RAB3GAP2: variants seen among roughly 807,000 people sequenced by gnomAD.
RAB3GAP2 encodes RAB3 GTPase activating non-catalytic protein subunit 2.
In RAB3GAP2, 87 loss-of-function variants were observed where a neutral mutation model predicts 185.3. That is an observed-to-expected ratio of 0.47 (90% CI 0.39 to 0.56). The LOEUF (loss-of-function observed/expected upper bound fraction) is 0.56. RAB3GAP2 is among the 20% of genes least tolerant of loss of function. RAB3GAP2 has a pLI of 0.00. For missense variants in RAB3GAP2, 1,492 were observed against 1,638.2 expected (o/e 0.91, Z 1.54); for synonymous variants, 554 against 576.1 (o/e 0.96, Z 0.55).
chr1:220,215,912 T>C (rs557177365), intron 2 of RAB3GAP2, among the ~76,000 whole-genome samples: 118 of 152,282 alleles, frequency 7.7e-4, no homozygotes, highest in South Asian at 5.2e-3. Flanking sequence ...TTTAAAAACT[T>C]GTAATAAGCA....
At chr1:220,189,991 C>T (rs940100718) in intron 16 of RAB3GAP2, 73 bp downstream of exon 16, 32 of 1,297,684 alleles carry the variant, frequency 2.5e-5, no homozygotes, top group Admixed American at 3.4e-5. Flanking sequence ...TTGATTGCTC[C>T]ATTCAGAATA....
In RAB3GAP2 at chr1:220,184,052, G is replaced by T; in HGVS notation, c.1982C>A (p.Thr661Lys). ...QLNSLDFHLD[T>K]PFSDNDLALL... is the part of the protein sequence containing the mutation. ...ATTACTCACATTATCAGAGAATGGT[G>T]TGTCTAAATGAAAATCAAGGGAATT... The change falls in exon 19 of 35, where the codon ACA (threonine) becomes AAA (lysine). Residue 661 changes from threonine (T) to lysine (K), a missense_variant. This residue lies in a region of RAB3GAP2 where 681 missense variants were observed against 689.1 expected (regional missense o/e 0.99). Transcript: ENST00000358951. 3 of 1,578,198 alleles carry T rather than the reference G, an allele frequency of 1.9e-6. No homozygotes were observed. Among genetic ancestry groups the T allele is most frequent in the Non-Finnish European group, 2.6e-6 (3 of 1,149,322 alleles).
rs189536938 is a variant in RAB3GAP2, at chr1:220,272,252, A to T, written c.86T>A (p.Ile29Asn). The T allele has an allele frequency of 6.2e-7, 1 of 1,610,058 alleles. No individual in the cohort carries two copies. The highest frequency in any genetic ancestry group is 1.7e-5 in the Admixed American group (1 of 59,626). Reference sequence around the variant, plus strand: ...GTCCCTCCGCAAGGCGCCGCTGAGGATCTCCTCCCGCAGGTGAGGAAAGAG... The same window carrying T: ...GTCCCTCCGCAAGGCGCCGCTGAGGTTCTCCTCCCGCAGGTGAGGAAAGAG... ...DFLFPHLREE[I>N]LSGALRRDPS... Residue 29 changes from isoleucine (I) to asparagine (N), a missense_variant, in exon 1 of 35, where the codon ATC becomes AAC. Ile to Asn is a moderately radical substitution (Grantham distance 149). Transcript: ENST00000358951.
At chr1:220,178,825 T>G (rs1302966031) in intron 21 of RAB3GAP2, among the ~76,000 whole-genome samples, 3 of 151,948 alleles carry the variant, frequency 2.0e-5, no homozygotes, top group Non-Finnish European at 4.4e-5. Context: ...TGGGCTAAAT[T>G]CTCCAATTAA....
intron 21 of RAB3GAP2, among the ~76,000 whole-genome samples, chr1:220,173,693 TA>T (rs1403609516): frequency 6.6e-6 from 1 of 152,128 alleles, no homozygotes; most frequent in Non-Finnish European, 1.5e-5. Context: ...AATGATGAAA[TA>T]AGCTCATACG....
intron 1 of RAB3GAP2, among the ~76,000 whole-genome samples, chr1:220,239,514 AGCCACT>A (rs1659653057): frequency 6.6e-6 from 1 of 152,208 alleles, no homozygotes; most frequent in South Asian, 2.1e-4. Context: ...TACAGACATG[AGCCACT>A]GCACCCGGCC....
In RAB3GAP2 at chr1:220,193,158, A is replaced by G; in HGVS notation, c.1270+82T>C. ...GAAGAATTAAACAGAGTTATCATCC[A>G]GAAGCTGAAGGATGATAACATTGCT... is the stretch of plus-strand genomic sequence containing the variant. On this transcript the variant is annotated intron_variant, in intron 13 of 34. Coordinates refer to ENST00000358951, the MANE Select transcript of RAB3GAP2 (RefSeq NM_012414.4). 4 of 1,516,186 alleles carry G rather than the reference A, an allele frequency of 2.6e-6. 1 individual carries two copies. The Admixed American group carries it at 6.7e-5, about 25-fold the overall frequency. The allele number at this position is 1,516,186 out of a possible 1,614,324, so 93.9% of individuals were successfully genotyped here. A position where few individuals can be genotyped will look rare whatever the true frequency, so the allele number is the denominator to read the frequency against.
intron 21 of RAB3GAP2, among the ~76,000 whole-genome samples, chr1:220,179,227 C>T (rs750863365): frequency 2.5e-5 from 3 of 118,202 alleles, no homozygotes; most frequent in East Asian, 2.5e-4. Context: ...CCCGCCTGGG[C>T]GACAGTGAGA....
chr1:220,245,608 C>T (rs1416933642), intron 1 of RAB3GAP2, among the ~76,000 whole-genome samples: 1 of 152,078 alleles, frequency 6.6e-6, no homozygotes, highest in African/African-American at 2.4e-5. Flanking sequence ...CCCGCCATTG[C>T]CCAGGCTTGC....
intron 1 of RAB3GAP2, among the ~76,000 whole-genome samples, chr1:220,246,987 C>T (rs915685022): frequency 1.4e-4 from 21 of 151,872 alleles, no homozygotes; most frequent in Non-Finnish European, 2.9e-4. Flanking sequence ...ATACAAACAG[C>T]CAACAAATAC....
intron 1 of RAB3GAP2, chr1:220,267,121 G>T: frequency 7.2e-7 from 1 of 1,394,578 alleles, no homozygotes; most frequent in Non-Finnish European, 1.0e-6. Context: ...CTCTCCAGCT[G>T]ATCCAAGAAG....
rs1336874623 is a variant in RAB3GAP2, at chr1:220,164,122, T to G, written c.3154+611A>C. 5.9e-5 allele frequency among the ~76,000 whole-genome samples: 9 copies of G among 152,270 alleles called. No homozygotes were observed. The East Asian group carries it at 1.2e-3, about 20-fold the overall frequency. On this transcript the variant is annotated intron_variant, in intron 27 of 34. Transcript: ENST00000358951. ...TGCCAAGGCAGCTAATGGAGAATAT[T>G]CACATCCATTATAAGACGCACAAGA...
intron 2 of RAB3GAP2, among the ~76,000 whole-genome samples, chr1:220,228,260 G>A (rs1240300246): frequency 6.6e-6 from 1 of 152,126 alleles, no homozygotes; most frequent in Non-Finnish European, 1.5e-5. Flanking sequence ...GGCAACTAGA[G>A]CATATACTTT....
At chr1:220,217,059 A>G (rs1659214092) in intron 2 of RAB3GAP2, among the ~76,000 whole-genome samples, 1 of 152,154 alleles carries the variant, frequency 6.6e-6, no homozygotes, top group Admixed American at 6.5e-5. Flanking sequence ...AATAAAGAAA[A>G]TGGAGTCTCG....
chr1:220,190,045 T>G lies in RAB3GAP2; in HGVS notation c.1714+19A>C. On this transcript the variant is annotated intron_variant, in intron 16 of 34. Transcript: ENST00000358951. ...TGATAGAACAATATGCTTTATTATT[T>G]GTATGAGAGAATACCTACCAAGATT... 1 of 1,546,990 alleles carries G rather than the reference T, an allele frequency of 6.5e-7. No individual in the cohort carries two copies. The highest frequency in any genetic ancestry group is 8.9e-7 in the Non-Finnish European group (1 of 1,119,160).
At position 220,184,161 on chromosome 1, in the gene RAB3GAP2, G is replaced by T. The variant is rs766630288; in HGVS notation, c.1873C>A (p.Leu625Ile). 3.7e-6 allele frequency: 6 copies of T among 1,609,344 alleles called. No homozygotes were observed. In the South Asian group the frequency reaches 6.6e-5, roughly 18 times the overall value. ...TLMDTLKSQE[L>I]ESVDEGLLQF... ...AGCAATCCTTCATCAACAGACTCAA[G>T]TTCTAAAAGGCAGAAGGAAAAGTAT... Residue 625 changes from leucine (L) to isoleucine (I), a missense_variant and splice_region_variant, in exon 19 of 35, where the codon CTT becomes ATT. This residue lies in a region of RAB3GAP2 where 681 missense variants were observed against 689.1 expected (regional missense o/e 0.99). Transcript: ENST00000358951.
chr1:220,214,164 T>C (rs1452153576), intron 2 of RAB3GAP2, among the ~76,000 whole-genome samples, 185 bp from the exon 3 acceptor site: 1 of 152,204 alleles, frequency 6.6e-6, no homozygotes, highest in Non-Finnish European at 1.5e-5. Flanking sequence ...ATACCCACTA[T>C]AAACAAATCT....
At chr1:220,156,357 C>T (rs994448007) in intron 31 of RAB3GAP2, among the ~76,000 whole-genome samples, 2 of 152,186 alleles carry the variant, frequency 1.3e-5, no homozygotes, top group East Asian at 1.9e-4. Context: ...ATAATGTTGA[C>T]GTTTTTGTCT....
chr1:220,165,571 T>C (rs1435023515), intron 26 of RAB3GAP2, among the ~76,000 whole-genome samples: 1 of 152,192 alleles, frequency 6.6e-6, no homozygotes, highest in Non-Finnish European at 1.5e-5. Context: ...TTTTATTGTT[T>C]TGAGCCTTAT....
Sources: gnomAD v4.1 joint callset for allele counts (sites outside exome capture counted in the v4.1 genomes callset) on GRCh38, gnomAD v4.1.1 for gene constraint, gnomAD v4.1.1 regional missense constraint, MANE v1.5 for transcripts, NCBI Gene and HGNC (gene_info 2026-07-23, HGNC 2026-07-21) for gene names.